Variants in ABCA1 observed in about 807,000 individuals in gnomAD.
The protein encoded by ABCA1 is ATP binding cassette subfamily A member 1.
ABCA1 carries 133 observed loss-of-function variants against 262.5 expected under a neutral mutation model. The observed-to-expected ratio is 0.51, with a 90% CI of 0.44 to 0.59. The LOEUF (loss-of-function observed/expected upper bound fraction) is 0.59. Ranked by LOEUF, ABCA1 falls within the 20% of genes least tolerant of loss-of-function variation. The pLI is 0.00. For missense variants in ABCA1, 2,452 were observed against 2,777.5 expected (o/e 0.88, Z 2.63); for synonymous variants, 1,022 against 1,043.5 (o/e 0.98, Z 0.40).
At chr9:104,898,415 G>A (rs565250204) in intron 2 of ABCA1, among the ~76,000 whole-genome samples, 12 of 152,136 alleles carry the variant, frequency 7.9e-5, no homozygotes, top group African/African-American at 2.9e-4. Context: ...GGGCATGGTG[G>A]TGGGCGTCTG....
intron 44 of ABCA1, among the ~76,000 whole-genome samples, chr9:104,789,786 A>C (rs778020797): frequency 1.3e-5 from 2 of 151,630 alleles, no homozygotes; most frequent in East Asian, 1.9e-4. Flanking sequence ...GCCTTGTACT[A>C]TCTCTCCACA....
chr9:104,810,959 C>T (rs1251234540), intron 28 of ABCA1, 35 bp from the exon 29 acceptor site: 1 of 1,613,572 alleles, frequency 6.2e-7, no homozygotes. Flanking sequence ...AGGGGGACAG[C>T]AGGAAACGGC....
intron 5 of ABCA1, among the ~76,000 whole-genome samples, chr9:104,879,082 AAAAG>A (rs1209023271): frequency 3.9e-5 from 6 of 151,930 alleles, no homozygotes; most frequent in Non-Finnish European, 7.4e-5. Flanking sequence ...TTAAAAAAAA[AAAAG>A]AAAGAAAAGA....
At chr9:104,807,845 T>C (rs61154715) in intron 30 of ABCA1, among the ~76,000 whole-genome samples, 1,468 of 48,330 alleles carry the variant, frequency 0.03, 22 homozygotes, top group African/African-American at 0.058. Context: ...TATATATATA[T>C]ACACACACAC....
Position 104,799,841 on chromosome 9 carries a change from G to C in ABCA1, c.4921C>G (p.Gln1641Glu). Residue 1641 changes from glutamine (Q) to glutamate (E), a missense_variant, in exon 36 of 50, where the codon CAG (glutamine) becomes GAG (glutamate). Transcript: ENST00000374736. ...AFNHPLNLTK[Q>E]QLSEVALMTT... Reference sequence around the variant, plus strand: ...TACAGAGCCACCTCTGAGAGCTGCTGCTTGGTGAGATTCAGGGGATGATTG... The same window carrying C: ...TACAGAGCCACCTCTGAGAGCTGCTCCTTGGTGAGATTCAGGGGATGATTG... 4 of 1,614,182 alleles carry C rather than the reference G, an allele frequency of 2.5e-6. No individual in the cohort carries two copies. Among genetic ancestry groups the C allele is most frequent in the East Asian group, 2.2e-5 (1 of 44,882 alleles).
intron 38 of ABCA1, 54 bp from the exon 39 acceptor site, chr9:104,796,251 A>C: frequency 6.2e-7 from 1 of 1,614,076 alleles, no homozygotes. Flanking sequence ...CCTCCTTCTG[A>C]CACTGGGCAC....
intron 3 of ABCA1, among the ~76,000 whole-genome samples, chr9:104,884,888 G>A (rs1839016457): frequency 6.6e-6 from 1 of 152,194 alleles, no homozygotes; most frequent in African/African-American, 2.4e-5. Flanking sequence ...GACATAGAGG[G>A]GACTTGGGGA....
chr9:104,837,690 A>G, intron 9 of ABCA1, 123 bp from the exon 10 acceptor site: 1 of 1,169,954 alleles, frequency 8.5e-7, no homozygotes, highest in South Asian at 1.3e-5. Context: ...TAGTCATATA[A>G]TAAGTAACTT....
intron 37 of ABCA1, 54 bp downstream of exon 37, chr9:104,798,367 T>C: frequency 6.3e-7 from 1 of 1,587,870 alleles, no homozygotes. Flanking sequence ...CTTATCCATA[T>C]CAATCCATGG....
At chr9:104,838,904 G>A (rs1291307882) in intron 9 of ABCA1, among the ~76,000 whole-genome samples, 1 of 151,932 alleles carries the variant, frequency 6.6e-6, no homozygotes, top group African/African-American at 2.4e-5. Context: ...GGGGAGAGGA[G>A]GAGATGGGAT....
chr9:104,799,753 T>C, intron 36 of ABCA1, 66 bp downstream of exon 36: 1 of 1,613,610 alleles, frequency 6.2e-7, no homozygotes, highest in Non-Finnish European at 8.5e-7. Flanking sequence ...GATTCACATT[T>C]TTCTCCCCTT....
chr9:104,857,238 G>A (rs998079948), intron 7 of ABCA1, among the ~76,000 whole-genome samples: 1 of 152,080 alleles, frequency 6.6e-6, no homozygotes, highest in Non-Finnish European at 1.5e-5. Context: ...GAGAGGCGGA[G>A]GTTGCAGTGA....
intron 3 of ABCA1, among the ~76,000 whole-genome samples, chr9:104,887,757 C>T (rs931298510): frequency 2.5e-5 from 3 of 121,992 alleles, no homozygotes; most frequent in Non-Finnish European, 3.2e-5. Context: ...GACAGAGTCT[C>T]ACTCTGTTGC....
chr9:104,891,581 TCACTGCATGATCACGC>T (rs1248355872), intron 2 of ABCA1, among the ~76,000 whole-genome samples: 1 of 151,334 alleles, frequency 6.6e-6, no homozygotes, highest in African/African-American at 2.4e-5. Context: ...TGAGCCGAGA[TCACTGCATGATCACGC>T]CACTGCATGA....
At chr9:104,807,778 A>ACTCCAGC (rs1830897887) in intron 30 of ABCA1, among the ~76,000 whole-genome samples, 1 of 151,246 alleles carries the variant, frequency 6.6e-6, no homozygotes, top group African/African-American at 2.4e-5. Context: ...GAGCCACTGC[A>ACTCCAGC]CTCCAGCCTG....
intron 5 of ABCA1, among the ~76,000 whole-genome samples, chr9:104,878,573 C>T (rs1455785437): frequency 6.6e-6 from 1 of 151,974 alleles, no homozygotes; most frequent in African/African-American, 2.4e-5. Context: ...TCACTTCCCC[C>T]TTCTGGGTCA....
intron 1 of ABCA1, among the ~76,000 whole-genome samples, chr9:104,914,885 T>C (rs904137970): frequency 1.3e-5 from 2 of 152,098 alleles, no homozygotes; most frequent in Admixed American, 1.3e-4. Context: ...CCTCTCTAAT[T>C]TGTAGGGAAG....
At position 104,798,511 on chromosome 9, in the gene ABCA1, G is replaced by A; in HGVS notation, c.5031C>T (p.Ile1677=). The A allele has an allele frequency of 2.5e-6, 4 of 1,614,180 alleles. No homozygotes were observed. Among genetic ancestry groups the A allele is most frequent in the Non-Finnish European group, 3.4e-6 (4 of 1,180,030 alleles). ...FVPASFVVFL[I]QERVSKAKHL... ...GTTTTGCTTTGCTGACCCGCTCCTGGATCAGGAATACGACAAAGCTGGCTG... is the reference window on the plus strand; with the variant it reads ...GTTTTGCTTTGCTGACCCGCTCCTGAATCAGGAATACGACAAAGCTGGCTG... The change falls in exon 37 of 50, where the codon ATC becomes ATT. Residue 1677 remains isoleucine (I), a synonymous_variant. Coordinates refer to ENST00000374736, the MANE Select transcript of ABCA1 (RefSeq NM_005502.4).
Position 104,817,458 on chromosome 9 carries a change from A to C in ABCA1, c.3463-54T>G. On this transcript the variant is annotated intron_variant, in intron 23 of 49. Coordinates refer to ENST00000374736, the MANE Select transcript of ABCA1 (RefSeq NM_005502.4). The surrounding 1 kb of genome is among the most constrained non-coding windows in gnomAD (Gnocchi z 4.7). ...GTCAGGGACGGAGCAAGGCAGAGCC[A>C]CCAGCACCTTCGCCGGGGAGGGCTT... The C allele has an allele frequency of 6.3e-7, 1 of 1,594,032 alleles. No homozygotes were observed. The highest frequency in any genetic ancestry group is 8.6e-7 in the Non-Finnish European group (1 of 1,162,198).
Sources: gnomAD v4.1 joint callset for allele counts (sites outside exome capture counted in the v4.1 genomes callset) on GRCh38, gnomAD v4.1.1 for gene constraint, Gnocchi (gnomAD v3.1) non-coding constraint, MANE v1.5 for transcripts, NCBI Gene and HGNC (gene_info 2026-07-23, HGNC 2026-07-21) for gene names.